The following ADH1A variants were observed in gnomAD, a reference collection of about 807,000 sequenced individuals.
ADH1A encodes alcohol dehydrogenase 1A.
Under a neutral mutation model 35.2 loss-of-function variants are expected in ADH1A, and 29 were observed. The ratio of observed to expected loss-of-function variants is 0.82; its 90% confidence interval spans 0.61 to 1.12. ADH1A has a LOEUF of 1.12. Ranked by LOEUF, ADH1A falls within the 50% of genes most tolerant of loss-of-function variation. The probability of loss-of-function intolerance (pLI) is 0.00; values close to 1 mark genes in which losing one functional copy is unlikely to be tolerated. For missense variants in ADH1A, 469 were observed against 464.7 expected, an observed-to-expected ratio of 1.01 and a Z score of -0.09; for synonymous variants, 147 against 164.8, an observed-to-expected ratio of 0.89 and a Z score of 0.83.
chr4:99,283,555 A>G (rs1004250866), intron 5 of ADH1A, among the ~76,000 whole-genome samples: 1 of 152,172 alleles, frequency 6.6e-6, no homozygotes, highest in Non-Finnish European at 1.5e-5. Context: ...ACTTAGAAAA[A>G]TACAAGGCTT....
chr4:99,283,411 T>C (rs1190723442), intron 5 of ADH1A, among the ~76,000 whole-genome samples: 1 of 152,214 alleles, frequency 6.6e-6, no homozygotes, highest in Admixed American at 6.5e-5. Flanking sequence ...TCCGCCTTCA[T>C]TTTGCGTAAC....
At chr4:99,282,727 C>T in intron 5 of ADH1A, 121 bp from the exon 6 acceptor site, 11 of 1,453,888 alleles carry the variant, frequency 7.6e-6, no homozygotes, top group Non-Finnish European at 1.0e-5. Context: ...CTTTTGGCTT[C>T]AGTTGCTTTA....
rs763701642 is a variant in ADH1A at position 99,282,348 on chromosome 4, T to C, written c.826A>G (p.Met276Val). The change falls in exon 6 of 9, where the codon ATG becomes GTG. Residue 276 changes from methionine to valine, a missense_variant and splice_region_variant. Transcript: ENST00000209668. ...SFEVIGRLDT[M>V]MASLLCCHEA... Reference sequence around the variant, plus strand: ...TCAGGGCATGTCATGGTACATACCATGGTGTCAAGCCGACCGATGACTTCA... The same window carrying C: ...TCAGGGCATGTCATGGTACATACCACGGTGTCAAGCCGACCGATGACTTCA... The C allele has an allele frequency of 1.7e-5, 27 of 1,614,090 alleles. No individual in the cohort carries two copies. In the Admixed American group the frequency reaches 3.5e-4, roughly 21 times the overall value.
intron 2 of ADH1A, 109 bp from the exon 3 acceptor site, chr4:99,287,097 A>C (rs757904549): frequency 1.2e-4 from 159 of 1,358,468 alleles, no homozygotes; most frequent in Non-Finnish European, 1.4e-4. Flanking sequence ...GGTTTTGCTA[A>C]TAATCCCTAC....
intron 6 of ADH1A, 53 bp from the exon 7 acceptor site, chr4:99,280,332 T>C (rs1010086941): frequency 3.1e-6 from 5 of 1,609,806 alleles, no homozygotes; most frequent in Non-Finnish European, 2.5e-6. Flanking sequence ...ATAGTTCCTA[T>C]TCATAATGCA....
At position 99,280,765 on chromosome 4, in the gene ADH1A, T is replaced by A. The variant is rs1732984177; in HGVS notation, c.829-486A>T. Among the ~76,000 whole-genome samples, 5 of 152,314 alleles carry A rather than the reference T, an allele frequency of 3.3e-5. No individual in the cohort carries two copies. The South Asian group carries it at 1.0e-3, about 32-fold the overall frequency. On this transcript the variant is annotated intron_variant, in intron 6 of 8. Coordinates refer to ENST00000209668, the MANE Select transcript of ADH1A (RefSeq NM_000667.4). ...TCCACTTGATGGTCTCCTTTTGTAA[T>A]GGATTCCTGTTCTACTGTCCATTTC...
intron 3 of ADH1A, chr4:99,286,565 G>C: frequency 5.1e-6 from 2 of 390,772 alleles, no homozygotes; most frequent in Non-Finnish European, 9.2e-6. Flanking sequence ...CACACTAGTA[G>C]GCACTGTGTC....
chr4:99,290,949 G>C lies in ADH1A; in HGVS notation c.-35C>G. On this transcript the variant is annotated 5_prime_UTR_variant, in exon 1 of 9. Transcript: ENST00000209668. ...GTCTTCTCTGCAGACCAGGAGACTG[G>C]TGAGTCCTTGTGGATTTCTTCCCTG... 6.2e-7 allele frequency: 1 copy of C among 1,613,022 alleles called. No homozygotes were observed. The highest frequency in any genetic ancestry group is 8.5e-7 in the Non-Finnish European group (1 of 1,179,098).
chr4:99,279,630 T>G, intron 7 of ADH1A, 66 bp from the exon 8 acceptor site: 1 of 1,543,340 alleles, frequency 6.5e-7, no homozygotes, highest in South Asian at 1.2e-5. Flanking sequence ...AGAGAAGATT[T>G]TCCAAATAAA....
At chr4:99,285,959 T>A (rs1579493419) in intron 3 of ADH1A, among the ~76,000 whole-genome samples, 1 of 144,582 alleles carries the variant, frequency 6.9e-6, no homozygotes, top group African/African-American at 2.6e-5. Flanking sequence ...GAGGTGGAGG[T>A]TGCAGTGAGC....
chr4:99,287,780 T>G, intron 1 of ADH1A, 115 bp from the exon 2 acceptor site: 1 of 1,139,564 alleles, frequency 8.8e-7, no homozygotes, highest in Non-Finnish European at 1.3e-6. Context: ...ACCTAACAAG[T>G]GCTCTATAGA....
intron 2 of ADH1A, 21 bp downstream of exon 2, chr4:99,287,543 A>G: frequency 6.3e-7 from 1 of 1,595,860 alleles, no homozygotes; most frequent in Non-Finnish European, 8.5e-7. Flanking sequence ...ACTTAAATAC[A>G]AATGGAAAAA....
At chr4:99,282,824 C>T (rs1733041877) in intron 5 of ADH1A, among the ~76,000 whole-genome samples, 1 of 152,188 alleles carries the variant, frequency 6.6e-6, no homozygotes, top group South Asian at 2.1e-4. Context: ...AAATATCCCA[C>T]TGTCCAGGTC....
In ADH1A at chr4:99,280,174, C is replaced by T; in HGVS notation, c.934G>A (p.Gly312Arg). 1 of 1,613,848 alleles carries T rather than the reference C, an allele frequency of 6.2e-7. No individual in the cohort carries two copies. The highest frequency in any genetic ancestry group is 8.5e-7 in the Non-Finnish European group (1 of 1,179,814). ...AGAATAGCTCCCTTCCAGGTACGTC[C>T]AGTCAGTAGCAGCATAGGGTTCATT... ...LSMNPMLLLT[G>R]RTWKGAILGG... The change falls in exon 7 of 9, where the codon GGA becomes AGA. Residue 312 changes from glycine to arginine, a missense_variant. Coordinates refer to ENST00000209668, the MANE Select transcript of ADH1A (RefSeq NM_000667.4).
chr4:99,286,468 T>C (rs570448485), intron 3 of ADH1A, among the ~76,000 whole-genome samples: 67 of 152,286 alleles, frequency 4.4e-4, no homozygotes, highest in Middle Eastern at 3.4e-3. Flanking sequence ...CTTATGTTTT[T>C]TCCCTCCTCC....
intron 6 of ADH1A, among the ~76,000 whole-genome samples, chr4:99,280,778 T>C (rs1423984353): frequency 6.6e-6 from 1 of 152,222 alleles, no homozygotes; most frequent in African/African-American, 2.4e-5. Context: ...ATTCCTGTTC[T>C]ACTGTCCATT....
chr4:99,279,791 A>G (rs1300599375), intron 7 of ADH1A, among the ~76,000 whole-genome samples: 2 of 152,166 alleles, frequency 1.3e-5, no homozygotes, highest in Non-Finnish European at 2.9e-5. Context: ...CAGAGAAATC[A>G]TAGTACAGAT....
intron 8 of ADH1A, among the ~76,000 whole-genome samples, chr4:99,278,907 A>T (rs1732929631): frequency 6.6e-6 from 1 of 152,140 alleles, no homozygotes. Flanking sequence ...TGATAAAAAA[A>T]TTTTTGTAAA....
intron 5 of ADH1A, 143 bp downstream of exon 5, chr4:99,284,256 C>A: frequency 2.2e-6 from 2 of 916,526 alleles, no homozygotes; most frequent in Non-Finnish European, 1.7e-6. Context: ...CATGTGCTCT[C>A]AATTCTTTCT....
Sources: gnomAD v4.1 joint callset for allele counts (sites outside exome capture counted in the v4.1 genomes callset) on GRCh38, gnomAD v4.1.1 for gene constraint, MANE v1.5 for transcripts, NCBI Gene and HGNC (gene_info 2026-07-23, HGNC 2026-07-21) for gene names.